Variants in PPP2R5A observed in about 807,000 individuals in gnomAD.
PPP2R5A encodes the protein protein phosphatase 2 regulatory subunit B'alpha.
PPP2R5A carries 25 observed loss-of-function variants against 64.2 expected under a neutral mutation model. The observed-to-expected ratio is 0.39, with a 90% CI of 0.28 to 0.54. The LOEUF (loss-of-function observed/expected upper bound fraction) is 0.54. PPP2R5A is among the 20% of genes least tolerant of loss of function. PPP2R5A has a pLI of 0.67. For missense variants in PPP2R5A, 425 were observed against 576.3 expected (o/e 0.74, Z 2.69); for synonymous variants, 198 against 201.2 (o/e 0.98, Z 0.13).
At chr1:212,300,815 T>C (rs1433318455) in intron 1 of PPP2R5A, among the ~76,000 whole-genome samples, 1 of 152,146 alleles carries the variant, frequency 6.6e-6, no homozygotes, top group Admixed American at 6.5e-5. Context: ...TAATATTTAA[T>C]TTCATGGAAA....
chr1:212,356,512 A>T, intron 8 of PPP2R5A, 114 bp from the exon 9 acceptor site: 1 of 935,692 alleles, frequency 1.1e-6, no homozygotes, highest in Non-Finnish European at 1.6e-6. Context: ...CACATATATT[A>T]AGCAATATTG....
intron 3 of PPP2R5A, among the ~76,000 whole-genome samples, chr1:212,336,849 CA>C (rs2102437453): frequency 1.3e-5 from 2 of 152,258 alleles, no homozygotes; most frequent in South Asian, 4.1e-4. Flanking sequence ...TTACGTTTTA[CA>C]TTTAGCTTAT....
At chr1:212,293,170 G>T (rs369380866) in intron 1 of PPP2R5A, among the ~76,000 whole-genome samples, 2 of 152,186 alleles carry the variant, frequency 1.3e-5, no homozygotes, top group Admixed American at 1.3e-4. Context: ...AATAGTAAAT[G>T]TAGGTTTAAA....
chr1:212,319,613 C>CTTTTTTTTTT (rs200765692), intron 1 of PPP2R5A: 2 of 110,724 alleles, frequency 1.8e-5, no homozygotes, highest in African/African-American at 3.7e-5. Context: ...TTTTTGTTTT[C>CTTTTTTTTTT]TTTTCTTTTT....
intron 3 of PPP2R5A, among the ~76,000 whole-genome samples, chr1:212,335,398 C>T (rs1167982330): frequency 6.6e-6 from 1 of 151,590 alleles, no homozygotes; most frequent in Non-Finnish European, 1.5e-5. Flanking sequence ...TCGCTGGAAC[C>T]CAGGAGGCGG....
intron 8 of PPP2R5A, chr1:212,353,092 A>C (rs953040333): frequency 3.0e-5 from 12 of 403,692 alleles, no homozygotes; most frequent in African/African-American, 2.5e-4. Context: ...GTCTCATATA[A>C]AGTGTCAGAT....
At chr1:212,339,577 G>A (rs1659652215) in intron 3 of PPP2R5A, among the ~76,000 whole-genome samples, 1 of 152,192 alleles carries the variant, frequency 6.6e-6, no homozygotes, top group Non-Finnish European at 1.5e-5. Context: ...ATCACCTAAT[G>A]TTTACTGTGT....
intron 8 of PPP2R5A, 58 bp from the exon 9 acceptor site, chr1:212,356,568 A>G: frequency 6.7e-7 from 1 of 1,497,256 alleles, no homozygotes; most frequent in East Asian, 2.3e-5. Context: ...TATGGAAAAT[A>G]CGCTGGGATT....
intron 1 of PPP2R5A, among the ~76,000 whole-genome samples, chr1:212,288,642 C>A (rs1367628388): frequency 6.6e-6 from 1 of 152,146 alleles, no homozygotes; most frequent in African/African-American, 2.4e-5. Context: ...CACCAACATT[C>A]AATTGCTTCA....
At chr1:212,314,219 A>C (rs1659100929) in intron 1 of PPP2R5A, among the ~76,000 whole-genome samples, 1 of 152,170 alleles carries the variant, frequency 6.6e-6, no homozygotes, top group Non-Finnish European at 1.5e-5. Flanking sequence ...AAAAGCCAGC[A>C]ACTACCAGAC....
rs1406897817 is a variant in PPP2R5A at position 212,285,988 on chromosome 1, C to T, written c.-123C>T. 4 of 1,028,564 alleles carry T rather than the reference C, an allele frequency of 3.9e-6. No homozygotes were observed. The Admixed American group carries it at 1.3e-4, about 33-fold the overall frequency. 63.7% of individuals were successfully genotyped at this position (1,028,564 alleles called of 1,614,324 possible). A position where few individuals can be genotyped will look rare whatever the true frequency, so the allele number is the denominator to read the frequency against. On this transcript the variant is annotated 5_prime_UTR_variant, in exon 1 of 13. Transcript: ENST00000261461. ...CGGCGGCGTCCCGGGGCCGGAGGGC[C>T]GTGGGGCCGGGGCGCAGGGGCGCGA... is the stretch of plus-strand genomic sequence containing the variant.
intron 1 of PPP2R5A, among the ~76,000 whole-genome samples, chr1:212,288,144 C>G (rs1658539557): frequency 6.6e-6 from 1 of 152,084 alleles, no homozygotes; most frequent in Non-Finnish European, 1.5e-5. Flanking sequence ...AGCCTCCCAA[C>G]TAGCTGGGAT....
intron 8 of PPP2R5A, among the ~76,000 whole-genome samples, chr1:212,353,700 A>G (rs943879420): frequency 3.3e-5 from 5 of 152,178 alleles, no homozygotes; most frequent in African/African-American, 1.2e-4. Context: ...CACCAAAAAA[A>G]CAATTCTTAT....
chr1:212,356,633 G>C lies in PPP2R5A; in HGVS notation c.935G>C (p.Arg312Thr). 3.7e-6 allele frequency: 6 copies of C among 1,612,266 alleles called. No homozygotes were observed. The highest frequency in any genetic ancestry group is 5.1e-6 in the Non-Finnish European group (6 of 1,179,416). ...ACTTTTTCTTTTTCGCAGGTGATCAGAGGACTGCTGAAATTTTGGCCAAAA... is the reference window on the plus strand; with the variant it reads ...ACTTTTTCTTTTTCGCAGGTGATCACAGGACTGCTGAAATTTTGGCCAAAA... ...KDTTLTEPVI[R>T]GLLKFWPKTC... Residue 312 changes from arginine (R) to threonine (T), a missense_variant, in exon 9 of 13, where the codon AGA becomes ACA. This residue lies in a region of PPP2R5A where 177 missense variants were observed against 244.8 expected (regional missense o/e 0.72). Coordinates refer to ENST00000261461, the MANE Select transcript of PPP2R5A (RefSeq NM_006243.4).
chr1:212,299,917 GTTC>G (rs1464835435), intron 1 of PPP2R5A, among the ~76,000 whole-genome samples: 1 of 151,580 alleles, frequency 6.6e-6, no homozygotes, highest in African/African-American at 2.4e-5. Flanking sequence ...GGTTCAAGCA[GTTC>G]TTCTGCCTCA....
At chr1:212,322,755 T>TCTTATTTATTTA (rs1659331668) in intron 1 of PPP2R5A, among the ~76,000 whole-genome samples, 1 of 147,010 alleles carries the variant, frequency 6.8e-6, no homozygotes, top group East Asian at 2.0e-4. Context: ...TTAATTCTCA[T>TCTTATTTATTTA]TTTATTTATT....
chr1:212,323,305 A>G (rs1251217151), intron 1 of PPP2R5A, among the ~76,000 whole-genome samples: 1 of 152,212 alleles, frequency 6.6e-6, no homozygotes, highest in Non-Finnish European at 1.5e-5. Flanking sequence ...CATCTCTCAG[A>G]ATTCGCTTCA....
At chr1:212,352,180 C>T (rs1043866319) in intron 8 of PPP2R5A, among the ~76,000 whole-genome samples, 1 of 151,348 alleles carries the variant, frequency 6.6e-6, no homozygotes, top group Non-Finnish European at 1.5e-5. Context: ...CCCGATACCA[C>T]GCCCGGCTAG....
intron 1 of PPP2R5A, among the ~76,000 whole-genome samples, chr1:212,315,478 T>G: frequency 6.6e-6 from 1 of 152,214 alleles, no homozygotes; most frequent in East Asian, 1.9e-4. Flanking sequence ...TTAATTTAGT[T>G]GTACAGTCTT....
Sources: allele counts gnomAD v4.1 joint callset (sites outside exome capture counted in the v4.1 genomes callset), GRCh38; gene constraint gnomAD v4.1.1; regional missense constraint gnomAD v4.1.1; transcripts MANE v1.5; gene names NCBI Gene and HGNC (gene_info 2026-07-23, HGNC 2026-07-21).